CHST10: variants seen among roughly 807,000 people sequenced by gnomAD.
CHST10 encodes HNK-1 sulfotransferase.
In CHST10, 24 loss-of-function variants were observed where a neutral mutation model predicts 34.7. That is an observed-to-expected ratio of 0.69 (90% CI 0.50 to 0.97). The LOEUF is 0.97. CHST10 is among the 50% of genes least tolerant of loss of function. CHST10 has a pLI of 0.00. For synonymous variants in CHST10, 161 were observed against 169.3 expected (o/e 0.95, Z 0.38); for missense variants, 402 against 452.1 (o/e 0.89, Z 1.00).
intron 4 of CHST10, among the ~76,000 whole-genome samples, chr2:100,399,144 C>T (rs1675217228): frequency 6.6e-6 from 1 of 151,726 alleles, no homozygotes; most frequent in African/African-American, 2.4e-5. Context: ...CGTTCTGTGG[C>T]CCAGGCTGGA....
chr2:100,406,067 C>T (rs556667701), intron 3 of CHST10, among the ~76,000 whole-genome samples: 18 of 152,286 alleles, frequency 1.2e-4, no homozygotes, highest in African/African-American at 3.6e-4. Flanking sequence ...TGAATGCCTA[C>T]GTTCAGTAAA....
chr2:100,396,171 C>T (rs1323000022), intron 5 of CHST10, among the ~76,000 whole-genome samples: 1 of 152,212 alleles, frequency 6.6e-6, no homozygotes, highest in Non-Finnish European at 1.5e-5. Flanking sequence ...GAGCAAAGAC[C>T]TTTTGATGCT....
chr2:100,401,043 A>T (rs1675317650), intron 4 of CHST10, among the ~76,000 whole-genome samples: 1 of 152,228 alleles, frequency 6.6e-6, no homozygotes, highest in Non-Finnish European at 1.5e-5. Flanking sequence ...CTTTCTTGTG[A>T]GAAGACACAT....
chr2:100,398,282 G>A (rs1675169796), intron 4 of CHST10, 140 bp from the exon 5 acceptor site: 1 of 628,666 alleles, frequency 1.6e-6, no homozygotes, highest in Admixed American at 3.0e-5. Flanking sequence ...TGTCTACAGA[G>A]TGACACCCAC....
chr2:100,416,972 CCT>C (rs1558649641), intron 1 of CHST10: 9 of 1,304,168 alleles, frequency 6.9e-6, no homozygotes, highest in African/African-American at 1.5e-5. Context: ...CATTCCCACC[CCT>C]GACTCCCCTC....
intron 4 of CHST10, among the ~76,000 whole-genome samples, chr2:100,401,365 T>A (rs1180832130): frequency 1.3e-5 from 2 of 152,116 alleles, no homozygotes; most frequent in Non-Finnish European, 2.9e-5. Context: ...GTAAAGCACA[T>A]TCAGGCGCAG....
At chr2:100,412,291 G>T (rs371900743) in intron 2 of CHST10, among the ~76,000 whole-genome samples, 1 of 152,184 alleles carries the variant, frequency 6.6e-6, no homozygotes, top group Non-Finnish European at 1.5e-5. Flanking sequence ...GATGAGCTAC[G>T]AGGATCCACA....
intron 3 of CHST10, among the ~76,000 whole-genome samples, chr2:100,404,809 A>G (rs1383266961): frequency 6.6e-6 from 1 of 152,214 alleles, no homozygotes; most frequent in Non-Finnish European, 1.5e-5. Flanking sequence ...TTTTAAGCAA[A>G]ATAAACCATA....
chr2:100,411,552 A>G lies in CHST10; in HGVS notation c.-33+3489T>C, dbSNP rs573709705. On this transcript the variant is annotated intron_variant, in intron 2 of 6. Transcript: ENST00000264249. ...CCAATATCTCTACAGTTTACAAAATACAGCACTCAAACATGAGTAGGTGTG... is the reference window on the plus strand; with the variant it reads ...CCAATATCTCTACAGTTTACAAAATGCAGCACTCAAACATGAGTAGGTGTG... 3.9e-5 allele frequency among the ~76,000 whole-genome samples: 6 copies of G among 152,340 alleles called. No individual in the cohort carries two copies. In the South Asian group the frequency reaches 1.2e-3, roughly 32 times the overall value.
chr2:100,393,598 A>C lies in CHST10; in HGVS notation c.718T>G (p.Phe240Val), dbSNP rs937651746. Residue 240 changes from phenylalanine to valine, a missense_variant, in exon 7 of 7, where the codon TTC (phenylalanine) becomes GTC (valine). Phe to Val is a conservative substitution (Grantham distance 50, BLOSUM62 -1). Transcript: ENST00000264249. ...TETRGIQFEDFVRYLGDPNHR... is the reference protein window; with the variant it reads ...TETRGIQFEDVVRYLGDPNHR... ...TTCGGATCGCCGAGGTAGCGCACGA[A>C]ATCTTCAAACTGGATCCCCCGGGTC... The C allele has an allele frequency of 6.2e-7, 1 of 1,614,140 alleles. No homozygotes were observed. The highest frequency in any genetic ancestry group is 1.3e-5 in the African/African-American group (1 of 75,018).
At chr2:100,401,949 C>T (rs4149516) in intron 4 of CHST10, among the ~76,000 whole-genome samples, 1 of 152,010 alleles carries the variant, frequency 6.6e-6, no homozygotes, top group Non-Finnish European at 1.5e-5. Flanking sequence ...ATGGGGGTTA[C>T]GAAGTGAGAG....
At chr2:100,398,309 A>C (rs1675170968) in intron 4 of CHST10, among the ~76,000 whole-genome samples, 167 bp from the exon 5 acceptor site, 1 of 152,136 alleles carries the variant, frequency 6.6e-6, no homozygotes, top group African/African-American at 2.4e-5. Flanking sequence ...CAGCCCCTTC[A>C]TGAGGCCTTC....
intron 2 of CHST10, among the ~76,000 whole-genome samples, chr2:100,413,853 T>C (rs758932076): frequency 5.9e-5 from 9 of 152,202 alleles, no homozygotes; most frequent in Non-Finnish European, 8.8e-5. Flanking sequence ...AAAAGTCCCA[T>C]GGTAAATAAG....
At position 100,406,604 on chromosome 2, in the gene CHST10, G is replaced by A. The variant is rs1400745075; in HGVS notation, c.72C>T (p.Phe24=). ...CTGGGTCTTTAAAGGTCAACGTGAT[G>A]AACTTGCTAGCCACCATGAACATGA... The part of the protein sequence containing the change: ...VIFMFMVASK[F]ITLTFKDPDV... Residue 24 remains phenylalanine (F), a synonymous_variant, in exon 3 of 7, where the codon TTC becomes TTT. Transcript: ENST00000264249. 4 of 1,614,188 alleles carry A rather than the reference G, an allele frequency of 2.5e-6. No homozygotes were observed. The highest frequency in any genetic ancestry group is 1.1e-5 in the South Asian group (1 of 91,080).
In CHST10 at chr2:100,409,323, C is replaced by T. The variant is rs771533620; in HGVS notation, c.-32-2616G>A. On this transcript the variant is annotated intron_variant, in intron 2 of 6. Coordinates refer to ENST00000264249, the MANE Select transcript of CHST10 (RefSeq NM_004854.5). The stretch of plus-strand genomic sequence containing the variant: ...AAAGTGGGAAGATAATGAAGCCTTA[C>T]CTGAAAATGAATAGCACCTCTTCTG... Among the ~76,000 whole-genome samples, 59 of 152,296 alleles carry T rather than the reference C, an allele frequency of 3.9e-4. 1 individual carries two copies. The highest frequency in any genetic ancestry group is 3.2e-4 in the Non-Finnish European group (22 of 68,026).
chr2:100,395,786 G>A (rs1285312124), intron 5 of CHST10, among the ~76,000 whole-genome samples, 172 bp from the exon 6 acceptor site: 3 of 152,150 alleles, frequency 2.0e-5, no homozygotes, highest in Non-Finnish European at 4.4e-5. Context: ...TCTGCCAGCA[G>A]GATGAACGAG....
chr2:100,406,186 A>C (rs932508556), intron 3 of CHST10, among the ~76,000 whole-genome samples: 26 of 152,162 alleles, frequency 1.7e-4, no homozygotes, highest in African/African-American at 6.0e-4. Context: ...CGGGCATGCC[A>C]AGCAGTTGAG....
chr2:100,401,031 C>T (rs1027479247), intron 4 of CHST10, among the ~76,000 whole-genome samples: 1 of 152,170 alleles, frequency 6.6e-6, no homozygotes, highest in African/African-American at 2.4e-5. Context: ...TTGATAAATC[C>T]CCTTTCTTGT....
At chr2:100,396,228 G>C (rs1675052221) in intron 5 of CHST10, among the ~76,000 whole-genome samples, 1 of 151,992 alleles carries the variant, frequency 6.6e-6, no homozygotes, top group Non-Finnish European at 1.5e-5. Context: ...TTTGAGACAG[G>C]AGTCAAAAGA....
Sources: gnomAD v4.1 joint callset for allele counts (sites outside exome capture counted in the v4.1 genomes callset) on GRCh38, gnomAD v4.1.1 for gene constraint, MANE v1.5 for transcripts, NCBI Gene and HGNC (gene_info 2026-07-23, HGNC 2026-07-21) for gene names.